Variants in SH3RF3 observed in about 807,000 individuals in gnomAD.
SH3RF3 encodes E3 ubiquitin-protein ligase SH3RF3.
SH3RF3 carries 29 observed loss-of-function variants against 66.3 expected under a neutral mutation model. The observed-to-expected ratio is 0.44, with a 90% CI of 0.33 to 0.60. The LOEUF is 0.60. Ranked by LOEUF, SH3RF3 falls within the 20% of genes least tolerant of loss-of-function variation. SH3RF3 has a pLI of 0.04. For missense variants in SH3RF3, 1,194 were observed against 1,190.9 expected (o/e 1.00, Z -0.04); for synonymous variants, 583 against 532.0 (o/e 1.10, Z -1.32).
At chr2:109,385,197 G>C (rs1418802065) in intron 3 of SH3RF3, among the ~76,000 whole-genome samples, 1 of 152,094 alleles carries the variant, frequency 6.6e-6, no homozygotes, top group Non-Finnish European at 1.5e-5. Context: ...TTCCTCATCT[G>C]TGTAATGGGA....
At chr2:109,216,428 A>C (rs1679102270) in intron 1 of SH3RF3, among the ~76,000 whole-genome samples, 1 of 152,254 alleles carries the variant, frequency 6.6e-6, no homozygotes, top group South Asian at 2.1e-4. Context: ...CAGAGGAGGA[A>C]CCTGAGTCCA....
At chr2:109,130,297 C>T (rs1305504524) in intron 1 of SH3RF3, among the ~76,000 whole-genome samples, 184 bp downstream of exon 1, 1 of 152,214 alleles carries the variant, frequency 6.6e-6, no homozygotes, top group Non-Finnish European at 1.5e-5. Flanking sequence ...GGGCAGCTCG[C>T]CGCTTGTTCA....
At chr2:109,303,824 C>A (rs918323260) in intron 1 of SH3RF3, among the ~76,000 whole-genome samples, 1 of 152,148 alleles carries the variant, frequency 6.6e-6, no homozygotes, top group Non-Finnish European at 1.5e-5. Flanking sequence ...CCATCAAGAC[C>A]GTGAACAAGT....
chr2:109,349,257 C>G, intron 2 of SH3RF3, among the ~76,000 whole-genome samples: 1 of 152,162 alleles, frequency 6.6e-6, no homozygotes, highest in Non-Finnish European at 1.5e-5. Context: ...CTATTTATGT[C>G]TTGTTCTATT....
chr2:109,248,040 A>G (rs923014167), intron 1 of SH3RF3, among the ~76,000 whole-genome samples: 3 of 152,210 alleles, frequency 2.0e-5, no homozygotes, highest in African/African-American at 7.2e-5. Flanking sequence ...GCAACCTTGG[A>G]TGGAATATTC....
chr2:109,375,862 C>T (rs1410883620), intron 3 of SH3RF3, among the ~76,000 whole-genome samples: 1 of 152,232 alleles, frequency 6.6e-6, no homozygotes, highest in Non-Finnish European at 1.5e-5. Context: ...ATGAGCAGCC[C>T]ATGGGCAGTT....
chr2:109,251,504 A>C (rs1356680160), intron 1 of SH3RF3: 4 of 743,258 alleles, frequency 5.4e-6, no homozygotes, highest in East Asian at 2.6e-5. Context: ...AGACATGTCC[A>C]AGGAATATTG....
chr2:109,301,142 C>T (rs969527122), intron 1 of SH3RF3, among the ~76,000 whole-genome samples: 1 of 152,250 alleles, frequency 6.6e-6, no homozygotes, highest in Non-Finnish European at 1.5e-5. Flanking sequence ...TCACTAGCTG[C>T]AAGCCTTAGA....
In SH3RF3 at chr2:109,430,168, T is replaced by C. The variant is rs79604123; in HGVS notation, c.1404-2333T>C. 3.5e-3 allele frequency among the ~76,000 whole-genome samples: 527 copies of C among 152,322 alleles called. 19 individuals carry two copies. In the East Asian group the frequency reaches 0.061, roughly 18 times the overall value. On this transcript the variant is annotated intron_variant, in intron 5 of 9. Coordinates refer to ENST00000309415, the MANE Select transcript of SH3RF3 (RefSeq NM_001099289.3). The stretch of plus-strand genomic sequence containing the variant: ...AGAACCAACTAAAAGGAGCTGTTGG[T>C]GCGGCCTGAGTTGCATACTGTTGCC...
In SH3RF3 at chr2:109,129,948, C is replaced by G; in HGVS notation, c.408C>G (p.Pro136=). Residue 136 remains proline (P), a synonymous_variant, in exon 1 of 10, where the codon CCC becomes CCG. Coordinates refer to ENST00000309415, the MANE Select transcript of SH3RF3 (RefSeq NM_001099289.3). ...GCACCAGCCCCGGCGGCAGCCCGCC[C>G]GCGCGTCCCATCCCAGGCCAGAGTG... ...RAGTSPGGSP[P]ARPIPGQSAA... 1 of 1,469,838 alleles carries G rather than the reference C, an allele frequency of 6.8e-7. No individual in the cohort carries two copies. Among genetic ancestry groups the G allele is most frequent in the Non-Finnish European group, 8.9e-7 (1 of 1,117,634 alleles). 91.0% of individuals were successfully genotyped at this position (1,469,838 alleles called of 1,614,324 possible).
At chr2:109,266,773 A>G (rs1680506381) in intron 1 of SH3RF3, among the ~76,000 whole-genome samples, 1 of 152,164 alleles carries the variant, frequency 6.6e-6, no homozygotes, top group Non-Finnish European at 1.5e-5. Flanking sequence ...GACAGGGGTG[A>G]GCGTGTGCCC....
chr2:109,242,516 C>T (rs993937047), intron 1 of SH3RF3, among the ~76,000 whole-genome samples: 1 of 152,250 alleles, frequency 6.6e-6, no homozygotes, highest in Non-Finnish European at 1.5e-5. Flanking sequence ...ACTGGAGAAG[C>T]GGGAGTGAAT....
At chr2:109,462,873 T>C (rs914646956) in intron 8 of SH3RF3, among the ~76,000 whole-genome samples, 1 of 152,204 alleles carries the variant, frequency 6.6e-6, no homozygotes, top group Non-Finnish European at 1.5e-5. Context: ...TGGCAGACCA[T>C]AGTGACATTT....
chr2:109,306,030 G>A (rs188899102), intron 1 of SH3RF3, among the ~76,000 whole-genome samples: 7 of 152,318 alleles, frequency 4.6e-5, no homozygotes, highest in African/African-American at 1.4e-4. Context: ...GGAGTGATTC[G>A]CTGCCTTCTG....
At chr2:109,362,508 C>T (rs1192126297) in intron 2 of SH3RF3, among the ~76,000 whole-genome samples, 4 of 152,040 alleles carry the variant, frequency 2.6e-5, no homozygotes, top group African/African-American at 9.7e-5. Flanking sequence ...GTGAATGTTC[C>T]CTGTGGGCTT....
intron 3 of SH3RF3, among the ~76,000 whole-genome samples, chr2:109,392,215 C>CT (rs953396540): frequency 1.6e-4 from 24 of 152,216 alleles, no homozygotes; most frequent in African/African-American, 5.8e-4. Context: ...TGAATATATT[C>CT]TTTTTTTTAC....
Position 109,404,867 on chromosome 2 carries a change from C to T in SH3RF3, c.1299+5924C>T, listed in dbSNP as rs138614771. On this transcript the variant is annotated intron_variant, in intron 4 of 9. Coordinates refer to ENST00000309415, the MANE Select transcript of SH3RF3 (RefSeq NM_001099289.3). ...CCTCCTTCCTCATCCGCCATCTTGA[C>T]CTCTTGGCAGCACTTGACGCTGTGG... 1.7e-3 allele frequency among the ~76,000 whole-genome samples: 262 copies of T among 152,282 alleles called. 1 individual carries two copies. The highest frequency in any genetic ancestry group is 2.7e-3 in the Non-Finnish European group (181 of 68,002).
At chr2:109,240,884 C>T (rs1679764757) in intron 1 of SH3RF3, among the ~76,000 whole-genome samples, 1 of 144,386 alleles carries the variant, frequency 6.9e-6, no homozygotes, top group Non-Finnish European at 1.5e-5. Flanking sequence ...TTCCATCTCT[C>T]TCTCTCTGTC....
intron 1 of SH3RF3, among the ~76,000 whole-genome samples, chr2:109,206,604 T>C (rs1305131704): frequency 6.6e-6 from 1 of 151,332 alleles, no homozygotes; most frequent in East Asian, 1.9e-4. Flanking sequence ...AGGCTGGAGT[T>C]CAAGACCAGC....
Sources: allele counts gnomAD v4.1 joint callset (sites outside exome capture counted in the v4.1 genomes callset), GRCh38; gene constraint gnomAD v4.1.1; transcripts MANE v1.5; gene names NCBI Gene and HGNC (gene_info 2026-07-23, HGNC 2026-07-21).